Variants in NTM observed in about 807,000 individuals in gnomAD.
NTM encodes the protein IgLON family member 2.
Under a neutral mutation model 42.1 loss-of-function variants are expected in NTM, and 13 were observed. That is an observed-to-expected ratio of 0.31 (90% CI 0.20 to 0.49). The LOEUF is 0.49. Among genes scored for constraint, NTM ranks in the 20% least tolerant of loss-of-function variants. NTM has a pLI of 0.99. For synonymous variants in NTM, 187 were observed against 179.2 expected (o/e 1.04, Z -0.35); for missense variants, 373 against 452.8 (o/e 0.82, Z 1.60).
At position 132,119,457 on chromosome 11, in the gene NTM, C is replaced by A. The variant is rs116205927; in HGVS notation, c.168-26825C>A. ...CAGCCAATTCCATTACCACCACCGG[C>A]CTCCACAGCCTGGGTTCAGCCAGAC... On this transcript the variant is annotated intron_variant, in intron 2 of 8. Transcript: ENST00000683400. 7.7e-3 allele frequency among the ~76,000 whole-genome samples: 1,179 copies of A among 152,232 alleles called. 14 individuals carry two copies. Among genetic ancestry groups the A allele is most frequent in the African/African-American group, 0.026 (1,068 of 41,532 alleles).
At position 132,218,414 on chromosome 11, in the gene NTM, A is replaced by G. The variant is rs187876254; in HGVS notation, c.526+6267A>G. 1.6e-3 allele frequency among the ~76,000 whole-genome samples: 245 copies of G among 152,310 alleles called. 4 individuals are homozygous for G. The highest frequency in any genetic ancestry group is 1.6e-3 in the Admixed American group (24 of 15,294). ...CTGTAAATCCTTGCAATAATCCAAGAAGGGGCCTCAGTGATTAAATTAACT... is the reference window on the plus strand; with the variant it reads ...CTGTAAATCCTTGCAATAATCCAAGGAGGGGCCTCAGTGATTAAATTAACT... On this transcript the variant is annotated intron_variant, in intron 4 of 8. Transcript: ENST00000683400.
intron 1 of NTM, among the ~76,000 whole-genome samples, chr11:131,466,964 T>C (rs945112774): frequency 7.2e-5 from 11 of 152,200 alleles, no homozygotes; most frequent in African/African-American, 2.7e-4. Context: ...GACACACACG[T>C]GTGCACACAT....
At chr11:132,029,678 G>C (rs1259454305) in intron 2 of NTM, among the ~76,000 whole-genome samples, 4 of 152,060 alleles carry the variant, frequency 2.6e-5, no homozygotes, top group Admixed American at 6.5e-5. Flanking sequence ...TGGGCCTTTA[G>C]TTGTGAAAAA....
intron 1 of NTM, among the ~76,000 whole-genome samples, chr11:131,689,598 G>A (rs1395380925): frequency 6.6e-6 from 1 of 152,206 alleles, no homozygotes; most frequent in Admixed American, 6.5e-5. Flanking sequence ...CAGATGTTCT[G>A]AGGACAGGTG....
At chr11:131,730,728 A>G (rs1475351105) in intron 1 of NTM, among the ~76,000 whole-genome samples, 1 of 151,996 alleles carries the variant, frequency 6.6e-6, no homozygotes, top group African/African-American at 2.4e-5. Context: ...TTAAAAGAAG[A>G]AGAAGAGAAG....
At chr11:131,906,756 C>G (rs1175586854) in intron 1 of NTM, among the ~76,000 whole-genome samples, 1 of 152,130 alleles carries the variant, frequency 6.6e-6, no homozygotes, top group Non-Finnish European at 1.5e-5. Context: ...TAGATAGCCT[C>G]ACCTTTGCCA....
intron 1 of NTM, among the ~76,000 whole-genome samples, chr11:131,666,435 C>T (rs1248405771): frequency 6.6e-6 from 1 of 152,144 alleles, no homozygotes; most frequent in Non-Finnish European, 1.5e-5. Flanking sequence ...GATCATTGAC[C>T]ATAATATACC....
chr11:131,598,766 TTTTCTTTC>T lies in NTM; in HGVS notation c.82+227889_82+227896del, dbSNP rs112299623. ...TTCTTTCTTTCTTTCTTCTTTCTTTTTTTCTTTCTTTCTTTCTTCTTTCTTTCTTTCTT... is the reference window on the plus strand; with the variant it reads ...TTCTTTCTTTCTTTCTTCTTTCTTTTTTTCTTTCTTCTTTCTTTCTTTCTT... On this transcript the variant is annotated intron_variant, in intron 1 of 8. Coordinates refer to ENST00000683400, the MANE Select transcript of NTM (RefSeq NM_001352005.2). Among the ~76,000 whole-genome samples the T allele has an allele frequency of 5.9e-5, 2 of 33,930 alleles. 1 individual carries two copies. Among genetic ancestry groups the T allele is most frequent in the Non-Finnish European group, 1.4e-4 (2 of 13,984 alleles). The allele number at this position is 33,930 out of a possible 152,430, so 22.3% of individuals were successfully genotyped here.
intron 1 of NTM, among the ~76,000 whole-genome samples, chr11:131,789,654 G>GAAGAAGAAGAAGAAGAAGAAGA (rs2090536180): frequency 7.2e-6 from 1 of 138,160 alleles, no homozygotes; most frequent in African/African-American, 2.7e-5. Context: ...AGAAGAAGAA[G>GAAGAAGAAGAAGAAGAAGAAGA]AAGAAGAAGA....
chr11:132,317,566 C>CAAACT, intron 7 of NTM: 3 of 716,112 alleles, frequency 4.2e-6, no homozygotes, highest in East Asian at 1.4e-4. Context: ...AGGCAGTATA[C>CAAACT]AAACTATATA....
chr11:132,051,683 C>T lies in NTM; in HGVS notation c.168-94599C>T, dbSNP rs547816642. Reference sequence around the variant, plus strand: ...AAGAGCCCCCTCCTCCCCAGGAGGACCCCTTAGACAGCAGTGTCAGTAGAA... The same window carrying T: ...AAGAGCCCCCTCCTCCCCAGGAGGATCCCTTAGACAGCAGTGTCAGTAGAA... On this transcript the variant is annotated intron_variant, in intron 2 of 8. Coordinates refer to ENST00000683400, the MANE Select transcript of NTM (RefSeq NM_001352005.2). 1.3e-4 allele frequency among the ~76,000 whole-genome samples: 20 copies of T among 152,302 alleles called. No homozygotes were observed. The East Asian group carries it at 2.3e-3, about 18-fold the overall frequency.
intron 4 of NTM, among the ~76,000 whole-genome samples, chr11:132,245,162 C>G (rs923196640): frequency 6.6e-6 from 1 of 152,162 alleles, no homozygotes; most frequent in African/African-American, 2.4e-5. Flanking sequence ...AGAGGTTTGC[C>G]GGGGCATGGG....
intron 1 of NTM, among the ~76,000 whole-genome samples, chr11:131,671,159 T>C (rs1379799568): frequency 6.6e-6 from 1 of 152,162 alleles, no homozygotes; most frequent in Admixed American, 6.5e-5. Context: ...AAGAACTTGC[T>C]AGGAGGCTTT....
chr11:132,134,227 C>A (rs1353202500), intron 2 of NTM, among the ~76,000 whole-genome samples: 2 of 152,168 alleles, frequency 1.3e-5, no homozygotes, highest in African/African-American at 4.8e-5. Context: ...CTGCCCCATA[C>A]CCGTATCTTT....
rs1194997577 is a variant in NTM, at chr11:131,755,218, TCA to T, written c.83-156345_83-156344del. 9.2e-5 allele frequency among the ~76,000 whole-genome samples: 14 copies of T among 152,352 alleles called. No homozygotes were observed. In the East Asian group the frequency reaches 2.7e-3, roughly 29 times the overall value. ...TACAATAAAAATTGGTTTAAAAACC[TCA>T]GTTGAACACAGCATGGCACACAAGT... On this transcript the variant is annotated intron_variant, in intron 1 of 8. Coordinates refer to ENST00000683400, the MANE Select transcript of NTM (RefSeq NM_001352005.2).
intron 1 of NTM, among the ~76,000 whole-genome samples, chr11:131,599,612 A>G (rs1157056003): frequency 6.6e-6 from 1 of 152,240 alleles, no homozygotes; most frequent in East Asian, 1.9e-4. Flanking sequence ...TCTGTGCTAA[A>G]TATACTTCCA....
At chr11:131,758,616 A>G (rs2083666023) in intron 1 of NTM, among the ~76,000 whole-genome samples, 1 of 149,798 alleles carries the variant, frequency 6.7e-6, no homozygotes, top group African/African-American at 2.5e-5. Context: ...CTTTTGAGAC[A>G]AACTTTCACT....
chr11:132,100,871 G>A (rs4483601), intron 2 of NTM, among the ~76,000 whole-genome samples: 107,049 of 152,112 alleles, frequency 0.7, 38,377 homozygotes, highest in African/African-American at 0.77. Flanking sequence ...CAGATGGTGA[G>A]GGAAGACTTC....
At chr11:131,825,262 C>T (rs1265978620) in intron 1 of NTM, among the ~76,000 whole-genome samples, 3 of 152,042 alleles carry the variant, frequency 2.0e-5, no homozygotes, top group Admixed American at 6.6e-5. Flanking sequence ...GGATGAGGGC[C>T]CCAGCCAATT....
Sources: gnomAD v4.1 joint callset for allele counts (sites outside exome capture counted in the v4.1 genomes callset) on GRCh38, gnomAD v4.1.1 for gene constraint, MANE v1.5 for transcripts, NCBI Gene and HGNC (gene_info 2026-07-23, HGNC 2026-07-21) for gene names.